Variants in GHR observed in about 807,000 individuals in gnomAD.
The protein encoded by GHR is growth hormone receptor.
In GHR, 35 loss-of-function variants were observed where a neutral mutation model predicts 67.1. That is an observed-to-expected ratio of 0.52 (90% CI 0.40 to 0.69). The LOEUF (loss-of-function observed/expected upper bound fraction) is 0.69, where lower values mean the gene tolerates loss of function less well. Among genes scored for constraint, GHR ranks in the 30% least tolerant of loss-of-function variants. GHR has a pLI of 0.00. For missense variants in GHR, 792 were observed against 764.6 expected, an observed-to-expected ratio of 1.04 and a Z score of -0.42; for synonymous variants, 272 against 269.1, an observed-to-expected ratio of 1.01 and a Z score of -0.10.
At chr5:42,666,749 CA>C (rs959452659) in intron 3 of GHR, among the ~76,000 whole-genome samples, 1 of 152,162 alleles carries the variant, frequency 6.6e-6, no homozygotes, top group African/African-American at 2.4e-5. Flanking sequence ...TGCAGTATTT[CA>C]GTTCACACCT....
chr5:42,711,218 A>G lies in GHR; in HGVS notation c.630A>G (p.Ile210Met). The G allele has an allele frequency of 6.2e-7, 1 of 1,613,152 alleles. No individual in the cohort carries two copies. The highest frequency in any genetic ancestry group is 1.1e-5 in the South Asian group (1 of 91,062). ...NETKWKMMDP[I>M]LTTSVPVYSL... ...TTTTGTCTTGAAAGATGGACCCTAT[A>G]TTGACAACATCAGTTCCAGTGTACT... The change falls in exon 7 of 10, where the codon ATA becomes ATG. Residue 210 changes from isoleucine (I) to methionine (M), a missense_variant. Coordinates refer to ENST00000230882, the MANE Select transcript of GHR (RefSeq NM_000163.5).
chr5:42,604,111 G>C (rs1164054466), intron 2 of GHR, among the ~76,000 whole-genome samples: 5 of 152,230 alleles, frequency 3.3e-5, no homozygotes, highest in Admixed American at 1.3e-4. Flanking sequence ...GAAGGGTCAT[G>C]AGTACAGGAG....
At chr5:42,523,889 G>T (rs1747584670) in intron 1 of GHR, among the ~76,000 whole-genome samples, 1 of 152,030 alleles carries the variant, frequency 6.6e-6, no homozygotes, top group South Asian at 2.1e-4. Flanking sequence ...GTTTATCAGG[G>T]GTTTCCACTT....
At chr5:42,593,765 A>G (rs1751923552) in intron 2 of GHR, among the ~76,000 whole-genome samples, 1 of 152,206 alleles carries the variant, frequency 6.6e-6, no homozygotes, top group African/African-American at 2.4e-5. Context: ...TAACTTCCTC[A>G]TTTGAATTGA....
chr5:42,646,982 C>T (rs1754764256), intron 3 of GHR, among the ~76,000 whole-genome samples: 3 of 152,172 alleles, frequency 2.0e-5, no homozygotes, highest in Admixed American at 2.0e-4. Context: ...AAGACAATGA[C>T]TCTTCCATTA....
intron 1 of GHR, among the ~76,000 whole-genome samples, chr5:42,519,649 A>C (rs2112295281): frequency 6.6e-6 from 1 of 152,288 alleles, no homozygotes; most frequent in South Asian, 2.1e-4. Flanking sequence ...ATTTCTAAAA[A>C]AATGTCATGG....
intron 1 of GHR, among the ~76,000 whole-genome samples, chr5:42,442,245 G>T (rs773422996): frequency 6.6e-6 from 1 of 152,214 alleles, no homozygotes; most frequent in Non-Finnish European, 1.5e-5. Flanking sequence ...GGGAATAAAT[G>T]AGTGAAATTT....
At chr5:42,714,494 G>A (rs1758623462) in intron 8 of GHR, among the ~76,000 whole-genome samples, 1 of 152,134 alleles carries the variant, frequency 6.6e-6, no homozygotes. Context: ...TATAGCACTT[G>A]TAAACTTCAA....
At chr5:42,608,675 C>A (rs1752744615) in intron 2 of GHR, among the ~76,000 whole-genome samples, 1 of 151,842 alleles carries the variant, frequency 6.6e-6, no homozygotes, top group Non-Finnish European at 1.5e-5. Context: ...TATTTTGAAC[C>A]CTCAAATTAA....
chr5:42,475,108 T>G (rs959248613), intron 1 of GHR, among the ~76,000 whole-genome samples: 1 of 152,116 alleles, frequency 6.6e-6, no homozygotes, highest in Non-Finnish European at 1.5e-5. Flanking sequence ...TGTCTGGAAC[T>G]CCTGACCTCA....
At chr5:42,428,846 C>T (rs1412978431) in intron 1 of GHR, among the ~76,000 whole-genome samples, 16 of 152,200 alleles carry the variant, frequency 1.1e-4, no homozygotes, top group African/African-American at 3.6e-4. Flanking sequence ...TTCAACAAGT[C>T]TCTAGGAAGT....
chr5:42,639,948 G>A (rs1260245599), intron 3 of GHR, among the ~76,000 whole-genome samples: 1 of 152,152 alleles, frequency 6.6e-6, no homozygotes, highest in East Asian at 1.9e-4. Flanking sequence ...AATTGAAGAA[G>A]GGAAGTGTGG....
Position 42,699,833 on chromosome 5 carries a change from A to G in GHR, c.449A>G (p.Asp150Gly). Residue 150 changes from aspartate (D) to glycine (G), a missense_variant, in exon 6 of 10, where the codon GAT becomes GGT. Coordinates refer to ENST00000230882, the MANE Select transcript of GHR (RefSeq NM_000163.5). ...CFSVDEIVQP[D>G]PPIALNWTLL... ...CTGTTGAATTGCACAGTGCAACCAGATCCACCCATTGCCCTCAACTGGACT... is the reference window on the plus strand; with the variant it reads ...CTGTTGAATTGCACAGTGCAACCAGGTCCACCCATTGCCCTCAACTGGACT... 6.2e-7 allele frequency: 1 copy of G among 1,607,706 alleles called. No homozygotes were observed. Among genetic ancestry groups the G allele is most frequent in the Non-Finnish European group, 8.5e-7 (1 of 1,174,224 alleles).
intron 1 of GHR, among the ~76,000 whole-genome samples, chr5:42,515,483 C>T (rs1051545627): frequency 2.6e-5 from 4 of 152,188 alleles, no homozygotes; most frequent in African/African-American, 9.7e-5. Context: ...GTCTTGGCTT[C>T]TAGGCACCAA....
chr5:42,664,791 A>C (rs1014861274), intron 3 of GHR, among the ~76,000 whole-genome samples: 1 of 152,212 alleles, frequency 6.6e-6, no homozygotes, highest in South Asian at 2.1e-4. Flanking sequence ...AGAAACTACC[A>C]TCAGAGTGAA....
chr5:42,582,719 T>C (rs1751243044), intron 2 of GHR, among the ~76,000 whole-genome samples: 1 of 152,216 alleles, frequency 6.6e-6, no homozygotes, highest in East Asian at 1.9e-4. Context: ...ACACCCTCTT[T>C]GGGGGCTCTG....
chr5:42,622,265 G>T (rs1753484961), intron 2 of GHR, among the ~76,000 whole-genome samples: 2 of 152,170 alleles, frequency 1.3e-5, no homozygotes, highest in African/African-American at 4.8e-5. Flanking sequence ...ATATAACTTT[G>T]TGATGCTTGT....
intron 1 of GHR, chr5:42,467,204 A>G: frequency 6.5e-7 from 1 of 1,549,022 alleles, no homozygotes; most frequent in Non-Finnish European, 8.9e-7. Flanking sequence ...GCTTGCCCAC[A>G]TTCACTGCAG....
At chr5:42,469,762 A>G (rs138520391) in intron 1 of GHR, among the ~76,000 whole-genome samples, 130 of 152,340 alleles carry the variant, frequency 8.5e-4, no homozygotes, top group Admixed American at 2.7e-3. Context: ...TGCTGGTGCC[A>G]GAACAAAAGC....
Sources: allele counts gnomAD v4.1 joint callset (sites outside exome capture counted in the v4.1 genomes callset), GRCh38; gene constraint gnomAD v4.1.1; transcripts MANE v1.5; gene names NCBI Gene and HGNC (gene_info 2026-07-23, HGNC 2026-07-21).